PARD3: variants seen among roughly 807,000 people sequenced by gnomAD.
PARD3 encodes par-3 family cell polarity regulator.
Under a neutral mutation model 155.4 loss-of-function variants are expected in PARD3, and 75 were observed. That is an observed-to-expected ratio of 0.48 (90% CI 0.40 to 0.58). The LOEUF is 0.58. Among genes scored for constraint, PARD3 ranks in the 20% least tolerant of loss-of-function variants. The pLI is 0.00. For synonymous variants in PARD3, 576 were observed against 610.5 expected, an observed-to-expected ratio of 0.94 and a Z score of 0.83; for missense variants, 1,642 against 1,721.7, an observed-to-expected ratio of 0.95 and a Z score of 0.82.
chr10:34,695,765 C>G (rs886547113), intron 2 of PARD3, among the ~76,000 whole-genome samples: 32 of 152,156 alleles, frequency 2.1e-4, no homozygotes, highest in Non-Finnish European at 3.1e-4. Context: ...AGGCCCTGCA[C>G]AGGAGAGGCT....
At position 34,736,647 on chromosome 10, in the gene PARD3, TTAATTA is replaced by T. The variant is rs1564563566; in HGVS notation, c.121-40234_121-40229del. ...TGTTGGAAATAGGTTACTTTATTAATTAATTAATTTATTTATTTATTTATTTATTTA... is the reference window on the plus strand; with the variant it reads ...TGTTGGAAATAGGTTACTTTATTAATATTTATTTATTTATTTATTTATTTA... On this transcript the variant is annotated intron_variant, in intron 1 of 24. Coordinates refer to ENST00000374788, the MANE Select transcript of PARD3 (RefSeq NM_001184785.2). Among the ~76,000 whole-genome samples, 806 of 117,830 alleles carry T rather than the reference TTAATTA, an allele frequency of 6.8e-3. 3 individuals are homozygous for T. Among genetic ancestry groups the T allele is most frequent in the African/African-American group, 0.02 (635 of 31,998 alleles). 77.3% of individuals were successfully genotyped at this position (117,830 alleles called of 152,430 possible).
intron 19 of PARD3, among the ~76,000 whole-genome samples, chr10:34,330,569 C>T (rs1332466496): frequency 2.0e-5 from 3 of 152,052 alleles, no homozygotes; most frequent in Non-Finnish European, 2.9e-5. Flanking sequence ...CTATTTGAGA[C>T]ACTACAAAGT....
chr10:34,655,991 C>T (rs2093156766), intron 2 of PARD3, among the ~76,000 whole-genome samples: 1 of 152,076 alleles, frequency 6.6e-6, no homozygotes, highest in Non-Finnish European at 1.5e-5. Flanking sequence ...TCGTGTTCTT[C>T]AACGTGAACT....
chr10:34,392,938 C>A (rs1162658540), intron 7 of PARD3, among the ~76,000 whole-genome samples: 2 of 152,062 alleles, frequency 1.3e-5, no homozygotes, highest in African/African-American at 2.4e-5. Flanking sequence ...GGGCTGACAA[C>A]TGCAGCCTAT....
chr10:34,358,263 C>T (rs1373633574), intron 14 of PARD3, among the ~76,000 whole-genome samples: 1 of 152,064 alleles, frequency 6.6e-6, no homozygotes, highest in African/African-American at 2.4e-5. Flanking sequence ...TTCAAATGTC[C>T]TATTATACAA....
intron 2 of PARD3, among the ~76,000 whole-genome samples, chr10:34,550,915 G>C (rs1313712835): frequency 1.3e-5 from 2 of 152,058 alleles, no homozygotes; most frequent in African/African-American, 2.4e-5. Context: ...ACAGTGTTTC[G>C]TATTACATAT....
intron 1 of PARD3, among the ~76,000 whole-genome samples, chr10:34,744,775 C>T (rs1468440475): frequency 6.6e-6 from 1 of 152,108 alleles, no homozygotes; most frequent in Non-Finnish European, 1.5e-5. Flanking sequence ...CACAAAAATC[C>T]AAGATAAGCA....
At chr10:34,642,277 A>G (rs911444391) in intron 2 of PARD3, among the ~76,000 whole-genome samples, 3 of 151,884 alleles carry the variant, frequency 2.0e-5, no homozygotes, top group Non-Finnish European at 4.4e-5. Context: ...AATCCTTCCA[A>G]CTACCACGTC....
chr10:34,588,033 G>C (rs186724185), intron 2 of PARD3, among the ~76,000 whole-genome samples: 1 of 152,068 alleles, frequency 6.6e-6, no homozygotes, highest in Non-Finnish European at 1.5e-5. Flanking sequence ...CCCCTCTTAC[G>C]GGCCTAACCT....
intron 22 of PARD3, among the ~76,000 whole-genome samples, chr10:34,183,305 A>T (rs1211655354): frequency 6.6e-6 from 1 of 152,196 alleles, no homozygotes; most frequent in African/African-American, 2.4e-5. Context: ...ACAGCTCACC[A>T]CAGCCTCCAC....
chr10:34,353,709 C>CAATA (rs1197696241), intron 14 of PARD3, among the ~76,000 whole-genome samples: 1 of 99,348 alleles, frequency 1.0e-5, no homozygotes, highest in South Asian at 2.9e-4. Context: ...CAAGAATGAT[C>CAATA]AATAAATAAA....
At chr10:34,385,920 C>G (rs1162984874) in intron 7 of PARD3, among the ~76,000 whole-genome samples, 1 of 152,122 alleles carries the variant, frequency 6.6e-6, no homozygotes, top group Non-Finnish European at 1.5e-5. Context: ...AAGTCTATTT[C>G]TATAAGCTTT....
chr10:34,165,178 A>C (rs1949469931), intron 22 of PARD3, among the ~76,000 whole-genome samples: 1 of 152,144 alleles, frequency 6.6e-6, no homozygotes, highest in South Asian at 2.1e-4. Context: ...CATCCTTATA[A>C]AACCCTTTGC....
chr10:34,490,320 C>T (rs531783308), intron 3 of PARD3, among the ~76,000 whole-genome samples: 13 of 152,086 alleles, frequency 8.5e-5, no homozygotes, highest in African/African-American at 3.1e-4. Flanking sequence ...AAATTCATCA[C>T]AATTTATTTT....
At position 34,248,009 on chromosome 10, in the gene PARD3, C is replaced by T. The variant is rs77311812; in HGVS notation, c.3419+21648G>A. Reference sequence around the variant, plus strand: ...ACATTTTTAGGCATCCCCAACCACACTAGGTACATTCCTTTCTAGATCATT... The same window carrying T: ...ACATTTTTAGGCATCCCCAACCACATTAGGTACATTCCTTTCTAGATCATT... On this transcript the variant is annotated intron_variant, in intron 22 of 24. Coordinates refer to ENST00000374788, the MANE Select transcript of PARD3 (RefSeq NM_001184785.2). 5.4e-3 allele frequency among the ~76,000 whole-genome samples: 823 copies of T among 152,316 alleles called. 14 individuals carry two copies. The highest frequency in any genetic ancestry group is 0.019 in the African/African-American group (785 of 41,572).
chr10:34,262,860 T>A (rs1001859933), intron 22 of PARD3, among the ~76,000 whole-genome samples: 3 of 152,188 alleles, frequency 2.0e-5, no homozygotes, highest in Non-Finnish European at 4.4e-5. Flanking sequence ...AAATAAGACA[T>A]TTCATGCTAC....
intron 5 of PARD3, among the ~76,000 whole-genome samples, chr10:34,433,744 G>A (rs2076058345): frequency 6.6e-6 from 1 of 152,138 alleles, no homozygotes; most frequent in African/African-American, 2.4e-5. Flanking sequence ...TATCAAAATG[G>A]TTGCTGTAAA....
chr10:34,402,223 T>C (rs1236272599), intron 5 of PARD3, among the ~76,000 whole-genome samples: 1 of 152,204 alleles, frequency 6.6e-6, no homozygotes. Context: ...TCATTTTTCA[T>C]TTCTTTTCAT....
intron 20 of PARD3, among the ~76,000 whole-genome samples, chr10:34,310,414 A>G (rs12241064): frequency 0.099 from 15,120 of 152,296 alleles, 1,646 homozygotes; most frequent in African/African-American, 0.27. Flanking sequence ...TTGACTTAGC[A>G]TCTCAGAACT....
Sources: gnomAD v4.1 joint callset for allele counts (sites outside exome capture counted in the v4.1 genomes callset) on GRCh38, gnomAD v4.1.1 for gene constraint, MANE v1.5 for transcripts, NCBI Gene and HGNC (gene_info 2026-07-23, HGNC 2026-07-21) for gene names.